Variants in GMDS observed in about 807,000 individuals in gnomAD.
GMDS encodes the protein GDP-mannose 4,6-dehydratase, also known as GDP-mannose 4,6 dehydratase.
Under a neutral mutation model 49.9 loss-of-function variants are expected in GMDS, and 20 were observed. The observed-to-expected ratio is 0.40, with a 90% CI of 0.28 to 0.58. The LOEUF is 0.58. Among genes scored for constraint, GMDS ranks in the 20% least tolerant of loss-of-function variants. The pLI, the probability that GMDS is intolerant of heterozygous loss-of-function variation, is 0.42. For synonymous variants in GMDS, 177 were observed against 178.6 expected, an observed-to-expected ratio of 0.99 and a Z score of 0.07; for missense variants, 362 against 481.4, an observed-to-expected ratio of 0.75 and a Z score of 2.32.
intron 4 of GMDS, among the ~76,000 whole-genome samples, chr6:2,067,393 A>G (rs1468256521): frequency 6.7e-6 from 1 of 150,232 alleles, no homozygotes; most frequent in Non-Finnish European, 1.5e-5. Context: ...AAGCTAGCAG[A>G]AGGCAAGAAA....
chr6:1,876,145 C>G (rs1759044944), intron 7 of GMDS, among the ~76,000 whole-genome samples: 2 of 151,336 alleles, frequency 1.3e-5, no homozygotes, highest in South Asian at 4.2e-4. Flanking sequence ...GTAATCCCAG[C>G]TACTAGGGAG....
intron 9 of GMDS, among the ~76,000 whole-genome samples, chr6:1,711,834 T>C (rs1765976376): frequency 6.6e-6 from 1 of 152,176 alleles, no homozygotes. Flanking sequence ...TTCTAAGGAA[T>C]GAGCTGGGTG....
intron 9 of GMDS, among the ~76,000 whole-genome samples, chr6:1,653,755 G>T (rs796438074): frequency 1.4e-4 from 21 of 152,300 alleles, no homozygotes; most frequent in African/African-American, 4.8e-4. Context: ...ACATGCGAAA[G>T]AACACAGCTG....
intron 4 of GMDS, among the ~76,000 whole-genome samples, chr6:1,977,318 T>C (rs1378262899): frequency 6.6e-6 from 1 of 152,204 alleles, no homozygotes; most frequent in African/African-American, 2.4e-5. Flanking sequence ...TAAATGAGCC[T>C]CTCTAAGCCT....
chr6:1,651,931 T>C (rs1346482484), intron 9 of GMDS, among the ~76,000 whole-genome samples: 1 of 135,266 alleles, frequency 7.4e-6, no homozygotes, highest in East Asian at 2.1e-4. Context: ...ACACACTCAG[T>C]CGGGTGTCTC....
chr6:1,995,225 C>G (rs776050163), intron 4 of GMDS, among the ~76,000 whole-genome samples: 18 of 152,074 alleles, frequency 1.2e-4, no homozygotes, highest in Non-Finnish European at 1.6e-4. Flanking sequence ...TGCCACAGAT[C>G]GTTTACAGTG....
chr6:1,864,209 A>G (rs1758335193), intron 7 of GMDS, among the ~76,000 whole-genome samples: 1 of 152,186 alleles, frequency 6.6e-6, no homozygotes, highest in Admixed American at 6.5e-5. Context: ...AATCTTTTAT[A>G]GCAGAGATTT....
chr6:1,860,503 A>C (rs1186946379), intron 7 of GMDS, among the ~76,000 whole-genome samples: 2 of 152,140 alleles, frequency 1.3e-5, no homozygotes, highest in Non-Finnish European at 2.9e-5. Flanking sequence ...GCTCAGGGGA[A>C]TTTTGTGCAA....
chr6:1,669,555 G>A (rs1392828195), intron 9 of GMDS, among the ~76,000 whole-genome samples: 3 of 152,154 alleles, frequency 2.0e-5, no homozygotes, highest in Non-Finnish European at 2.9e-5. Context: ...AAATGAGATC[G>A]TCATGTGCTG....
At chr6:1,879,726 C>G (rs1759271782) in intron 7 of GMDS, among the ~76,000 whole-genome samples, 1 of 152,100 alleles carries the variant, frequency 6.6e-6, no homozygotes, top group Non-Finnish European at 1.5e-5. Context: ...TCCACTGACT[C>G]TTTTCAGATT....
At chr6:2,108,146 A>G (rs754889458) in intron 4 of GMDS, among the ~76,000 whole-genome samples, 1 of 152,228 alleles carries the variant, frequency 6.6e-6, no homozygotes, top group Non-Finnish European at 1.5e-5. Context: ...ATGTATTTTC[A>G]GTGCTAAAGC....
chr6:1,828,698 C>T (rs1452353110), intron 7 of GMDS, among the ~76,000 whole-genome samples: 1 of 152,104 alleles, frequency 6.6e-6, no homozygotes, highest in African/African-American at 2.4e-5. Flanking sequence ...GCAAAACTGT[C>T]CCATGAAACA....
chr6:2,025,357 GGT>G (rs200096039), intron 4 of GMDS, among the ~76,000 whole-genome samples: 2,458 of 136,604 alleles, frequency 0.018, 21 homozygotes, highest in Middle Eastern at 0.037. Flanking sequence ...CTGATGGTGG[GGT>G]GTGTGTGTGT....
chr6:1,994,814 T>G (rs1296212139), intron 4 of GMDS, among the ~76,000 whole-genome samples: 1 of 152,066 alleles, frequency 6.6e-6, no homozygotes, highest in Non-Finnish European at 1.5e-5. Flanking sequence ...AGTCCCACTT[T>G]TAAGAAGAAA....
intron 1 of GMDS, among the ~76,000 whole-genome samples, chr6:2,163,028 T>C (rs192165626): frequency 3.3e-5 from 5 of 152,358 alleles, no homozygotes; most frequent in African/African-American, 1.2e-4. Flanking sequence ...ATTTTCTCAT[T>C]GATCCTTGCA....
chr6:1,703,670 G>A lies in GMDS; in HGVS notation c.987+22746C>T, dbSNP rs556489650. ...GAGGTGTCCTGCCCCACAGCTGCCA[G>A]GTGTACTGTGGGGACATCATTCACC... On this transcript the variant is annotated intron_variant, in intron 9 of 10. Transcript: ENST00000380815. Among the ~76,000 whole-genome samples the A allele has an allele frequency of 7.2e-4, 110 of 152,360 alleles. 1 individual carries two copies. The highest frequency in any genetic ancestry group is 1.0e-3 in the Non-Finnish European group (68 of 68,028).
At chr6:1,864,854 C>A (rs1305118865) in intron 7 of GMDS, among the ~76,000 whole-genome samples, 1 of 152,082 alleles carries the variant, frequency 6.6e-6, no homozygotes, top group Non-Finnish European at 1.5e-5. Context: ...AGAGAAAGAC[C>A]CCAAGTGTAA....
intron 7 of GMDS, among the ~76,000 whole-genome samples, chr6:1,848,264 C>CTCATGGCCCTGTTTCCAA (rs1219834353): frequency 6.6e-6 from 1 of 152,138 alleles, no homozygotes; most frequent in Non-Finnish European, 1.5e-5. Flanking sequence ...GTAGCCTCTG[C>CTCATGGCCCTGTTTCCAA]TCATGGCCCT....
chr6:2,004,302 G>C (rs1366234943), intron 4 of GMDS, among the ~76,000 whole-genome samples: 2 of 152,112 alleles, frequency 1.3e-5, no homozygotes, highest in East Asian at 1.9e-4. Context: ...TGGATATAGT[G>C]CTTTGTGGAG....
Sources: allele counts gnomAD v4.1 joint callset (sites outside exome capture counted in the v4.1 genomes callset), GRCh38; gene constraint gnomAD v4.1.1; transcripts MANE v1.5; gene names NCBI Gene and HGNC (gene_info 2026-07-23, HGNC 2026-07-21).